EFR3B: variants seen among roughly 807,000 people sequenced by gnomAD.
The protein encoded by EFR3B is EFR3 homolog B.
A neutral mutation model predicts 104.7 loss-of-function variants in EFR3B; 64 were observed. That is an observed-to-expected ratio of 0.61 (90% CI 0.50 to 0.75). The LOEUF is 0.75. Ranked by LOEUF, EFR3B falls within the 30% of genes least tolerant of loss-of-function variation. The pLI is 0.00. For synonymous variants in EFR3B, 385 were observed against 417.9 expected, an observed-to-expected ratio of 0.92 and a Z score of 0.96; for missense variants, 750 against 1,078.5, an observed-to-expected ratio of 0.70 and a Z score of 4.27.
intron 4 of EFR3B, 87 bp downstream of exon 4, chr2:25,103,874 C>T: frequency 6.7e-7 from 1 of 1,487,564 alleles, no homozygotes. Context: ...TCGGCACTGT[C>T]ATGTTCTGTT....
chr2:25,055,994 G>C (rs1462527019), intron 1 of EFR3B, among the ~76,000 whole-genome samples: 1 of 152,208 alleles, frequency 6.6e-6, no homozygotes, highest in Non-Finnish European at 1.5e-5. Flanking sequence ...GTAGTAGTAA[G>C]AGTCCAAATG....
intron 21 of EFR3B, 84 bp from the exon 22 acceptor site, chr2:25,153,628 G>A (rs111604408): frequency 1.9e-5 from 27 of 1,400,498 alleles, no homozygotes; most frequent in African/African-American, 7.1e-5. Context: ...TACCTCCAGC[G>A]TATACTCTGG....
At chr2:25,086,891 C>A (rs1344016210) in intron 1 of EFR3B, among the ~76,000 whole-genome samples, 6 of 152,154 alleles carry the variant, frequency 3.9e-5, no homozygotes, top group Non-Finnish European at 8.8e-5. Flanking sequence ...CCCCGTCTGG[C>A]CCCATTTTTA....
intron 1 of EFR3B, chr2:25,080,663 C>T: frequency 1.5e-6 from 1 of 662,072 alleles, no homozygotes; most frequent in Non-Finnish European, 2.6e-6. Flanking sequence ...TCTGTATTTC[C>T]TTTCAGGCCA....
chr2:25,046,589 G>A (rs1220514589), intron 1 of EFR3B, among the ~76,000 whole-genome samples: 1 of 142,998 alleles, frequency 7.0e-6, no homozygotes, highest in Non-Finnish European at 1.5e-5. Context: ...TGCAGGCTCC[G>A]CCCCCTGGGG....
At position 25,131,436 on chromosome 2, in the gene EFR3B, G is replaced by A; in HGVS notation, c.918G>A (p.Ala306=). 6.4e-7 allele frequency: 1 copy of A among 1,550,808 alleles called. No homozygotes were observed. Among genetic ancestry groups the A allele is most frequent in the South Asian group, 1.2e-5 (1 of 84,052 alleles). ...TGGACGCCAACAGCCGCAGCGCTGC[G>A]ACGGTGCGCGCGGGCATCGTGGAAG... The part of the protein sequence containing the change: ...GHLDANSRSA[A]TVRAGIVEVL... Residue 306 remains alanine, a synonymous_variant, in exon 9 of 23, where the codon GCG becomes GCA. Transcript: ENST00000403714. The surrounding 1 kb of genome is among the most constrained non-coding windows in gnomAD (Gnocchi z 7.6).
At chr2:25,121,966 T>G (rs1400105217) in intron 5 of EFR3B, among the ~76,000 whole-genome samples, 172 bp downstream of exon 5, 2 of 148,520 alleles carry the variant, frequency 1.3e-5, no homozygotes, top group East Asian at 4.0e-4. Context: ...TGGTTTCTGT[T>G]TTTTTTTTTT....
chr2:25,079,093 C>G (rs974999517), intron 1 of EFR3B, among the ~76,000 whole-genome samples: 1 of 152,200 alleles, frequency 6.6e-6, no homozygotes, highest in Non-Finnish European at 1.5e-5. Flanking sequence ...GATGAAGCAA[C>G]TGTCCCCACC....
intron 3 of EFR3B, among the ~76,000 whole-genome samples, chr2:25,094,119 C>CA (rs1669209941): frequency 6.6e-6 from 1 of 151,486 alleles, no homozygotes; most frequent in Non-Finnish European, 1.5e-5. Context: ...CCCATCTCTA[C>CA]AAAAAATAAA....
At chr2:25,115,884 A>G (rs1047901841) in intron 4 of EFR3B, 3 of 152,278 alleles carry the variant, frequency 2.0e-5, no homozygotes, top group Non-Finnish European at 4.4e-5. Context: ...ATTCCTGATG[A>G]AAACTCCTAT....
chr2:25,082,266 G>A (rs1269178997), intron 1 of EFR3B, among the ~76,000 whole-genome samples: 5 of 152,228 alleles, frequency 3.3e-5, no homozygotes, highest in Non-Finnish European at 7.3e-5. Flanking sequence ...AGCCAGGATT[G>A]CGGCCACAGG....
chr2:25,107,056 C>T lies in EFR3B; in HGVS notation c.363+3269C>T, dbSNP rs117941860. Among the ~76,000 whole-genome samples, 86 of 152,102 alleles carry T rather than the reference C, an allele frequency of 5.7e-4. No individual in the cohort carries two copies. In the East Asian group the frequency reaches 0.015, roughly 27 times the overall value. On this transcript the variant is annotated intron_variant, in intron 4 of 22. Coordinates refer to ENST00000403714, the MANE Select transcript of EFR3B (RefSeq NM_014971.2). ...AGTGTAGAGATGGGACGCCAAGAAG[C>T]GAGATGATTTGTCTGTGCTCACACA... is the stretch of plus-strand genomic sequence containing the variant.
chr2:25,096,911 C>T (rs6545926), intron 3 of EFR3B, among the ~76,000 whole-genome samples: 17,243 of 152,122 alleles, frequency 0.11, 2,373 homozygotes, highest in African/African-American at 0.33. Flanking sequence ...TTTCTGTGAT[C>T]ATTTTATATA....
chr2:25,145,197 C>G, intron 19 of EFR3B, 146 bp downstream of exon 19: 1 of 713,196 alleles, frequency 1.4e-6, no homozygotes, highest in Non-Finnish European at 2.5e-6. Context: ...TGACTCTCCC[C>G]ACGTATGCGT....
chr2:25,103,762 A>T lies in EFR3B; in HGVS notation c.338A>T (p.Asn113Ile). 6.4e-7 allele frequency: 1 copy of T among 1,551,456 alleles called. No homozygotes were observed. The highest frequency in any genetic ancestry group is 8.7e-7 in the Non-Finnish European group (1 of 1,146,888). The change falls in exon 4 of 23, where the codon AAC becomes ATC. Residue 113 changes from asparagine (N) to isoleucine (I), a missense_variant. By Grantham distance (149) the Asn-to-Ile change is moderately radical. Transcript: ENST00000403714. Reference protein sequence around the residue: ...VAKLLESEKPNLQILGTNSFV... With the variant: ...VAKLLESEKPILQILGTNSFV... ...AAGCTGCTGGAGTCAGAGAAACCCA[A>T]CCTGCAGATCCTCGGCACCAACTCG...
chr2:25,070,323 G>A (rs141642011), intron 1 of EFR3B, among the ~76,000 whole-genome samples: 1,595 of 151,664 alleles, frequency 0.011, 16 homozygotes, highest in Non-Finnish European at 0.017. Flanking sequence ...CTGCAGTGGC[G>A]CAATCTTGGC....
chr2:25,065,861 A>G (rs1440118085), intron 1 of EFR3B, among the ~76,000 whole-genome samples: 3 of 151,950 alleles, frequency 2.0e-5, no homozygotes, highest in Non-Finnish European at 4.4e-5. Context: ...AGGTGCTGGG[A>G]GGCTCTTCCT....
chr2:25,139,071 G>A lies in EFR3B; in HGVS notation c.1735G>A (p.Val579Ile), dbSNP rs1344570235. The A allele has an allele frequency of 7.1e-6, 11 of 1,551,628 alleles. 1 individual carries two copies. In the South Asian group the frequency reaches 1.3e-4, roughly 18 times the overall value. Reference protein sequence around the residue: ...LVLAVQDVAQVNEENLPVYNR... With the variant: ...LVLAVQDVAQINEENLPVYNR... Reference sequence around the variant, plus strand: ...TATGTTGCCGCAGGACGTGGCCCAAGTCAATGAGGAGAACTTGCCTGTCTA... The same window carrying A: ...TATGTTGCCGCAGGACGTGGCCCAAATCAATGAGGAGAACTTGCCTGTCTA... The change falls in exon 16 of 23, where the codon GTC becomes ATC. Residue 579 changes from valine to isoleucine, a missense_variant. By Grantham distance (29) the Val-to-Ile change is conservative. Transcript: ENST00000403714.
chr2:25,153,179 C>T (rs1200200943), intron 21 of EFR3B, among the ~76,000 whole-genome samples: 1 of 152,110 alleles, frequency 6.6e-6, no homozygotes, highest in African/African-American at 2.4e-5. Context: ...CATAGCAAAA[C>T]TCCATCTCTA....
Sources: allele counts gnomAD v4.1 joint callset (sites outside exome capture counted in the v4.1 genomes callset), GRCh38; gene constraint gnomAD v4.1.1; non-coding constraint Gnocchi (gnomAD v3.1); transcripts MANE v1.5; gene names NCBI Gene and HGNC (gene_info 2026-07-23, HGNC 2026-07-21).